Variants in CARD6 observed in about 807,000 individuals in gnomAD.
CARD6 encodes caspase recruitment domain family member 6, also known as caspase recruitment domain-containing protein 6.
CARD6 carries 27 observed loss-of-function variants against 23.6 expected under a neutral mutation model. That is an observed-to-expected ratio of 1.14 (90% CI 0.84 to 1.58). The LOEUF is 1.58. CARD6 is among the 40% of genes most tolerant of loss of function. CARD6 has a pLI of 0.00. For missense variants in CARD6, 1,214 were observed against 1,209.9 expected (o/e 1.00, Z -0.05); for synonymous variants, 397 against 431.8 (o/e 0.92, Z 1.00).
At position 40,853,748 on chromosome 5, in the gene CARD6, G is replaced by C. The variant is rs913021433; in HGVS notation, c.2416G>C (p.Ala806Pro). 2 of 1,614,202 alleles carry C rather than the reference G, an allele frequency of 1.2e-6. No homozygotes were observed. The highest frequency in any genetic ancestry group is 2.7e-5 in the African/African-American group (2 of 75,052). Residue 806 changes from alanine (A) to proline (P), a missense_variant, in exon 3 of 3, where the codon GCT (alanine) becomes CCT (proline). By Grantham distance (27) the Ala-to-Pro change is conservative. Coordinates refer to ENST00000254691, the MANE Select transcript of CARD6 (RefSeq NM_032587.4). Reference sequence around the variant, plus strand: ...AAGATTCATGAAATTTTCCAGAGTTGCTCGGGGATGTCACTCGAATGGAAC... The same window carrying C: ...AAGATTCATGAAATTTTCCAGAGTTCCTCGGGGATGTCACTCGAATGGAAC... ...GERFMKFSRVARGCHSNGTFG... is the reference protein window; with the variant it reads ...GERFMKFSRVPRGCHSNGTFG...
At chr5:40,846,589 GAA>G (rs1745971572) in intron 2 of CARD6, among the ~76,000 whole-genome samples, 1 of 152,112 alleles carries the variant, frequency 6.6e-6, no homozygotes, top group African/African-American at 2.4e-5. Flanking sequence ...GAGGTGCTAG[GAA>G]AGGATTTGTC....
At chr5:40,845,117 C>T (rs1402277602) in intron 2 of CARD6, among the ~76,000 whole-genome samples, 4 of 152,184 alleles carry the variant, frequency 2.6e-5, no homozygotes. Context: ...ATCCACCCAC[C>T]TTGGCCTCCC....
rs1182606344 is a variant in CARD6 at position 40,848,423 on chromosome 5, C to T, written c.842-3751C>T. Among the ~76,000 whole-genome samples the T allele has an allele frequency of 2.0e-5, 3 of 151,966 alleles. No individual in the cohort carries two copies. In the East Asian group the frequency reaches 5.8e-4, roughly 29 times the overall value. On this transcript the variant is annotated intron_variant, in intron 2 of 2. Coordinates refer to ENST00000254691, the MANE Select transcript of CARD6 (RefSeq NM_032587.4). ...AGAGACAGGGTTTTCACGATGTTGCCCAGGCTGGTTTTGAACTCCTGGGCT... is the reference window on the plus strand; with the variant it reads ...AGAGACAGGGTTTTCACGATGTTGCTCAGGCTGGTTTTGAACTCCTGGGCT...
chr5:40,854,433 G>A lies in CARD6; in HGVS notation c.3101G>A (p.Gly1034Glu), dbSNP rs1460278079. The A allele has an allele frequency of 1.2e-6, 2 of 1,613,250 alleles. No individual in the cohort carries two copies. The highest frequency in any genetic ancestry group is 1.1e-5 in the South Asian group (1 of 91,054). ...AHHSKAGQKR[G>E]GKH The stretch of plus-strand genomic sequence containing the variant: ...CACTCAAAAGCAGGGCAGAAGAGGG[G>A]AGGGAAGCATTAAAGAGCTAACTCC... Residue 1034 changes from glycine (G) to glutamate (E), a missense_variant, in exon 3 of 3, where the codon GGA becomes GAA. By Grantham distance (98) the Gly-to-Glu change is moderately conservative (BLOSUM62 -2). Coordinates refer to ENST00000254691, the MANE Select transcript of CARD6 (RefSeq NM_032587.4).
In CARD6 at chr5:40,853,097, G is replaced by C; in HGVS notation, c.1765G>C (p.Glu589Gln). ...CYFVLSSQAR[E>Q]SEEAQIFQRI... ...CTTTGTTCTCAGTTCCCAAGCCAGG[G>C]AGAGTGAAGAGGCTCAAATTTTTCA... Residue 589 changes from glutamate (E) to glutamine (Q), a missense_variant, in exon 3 of 3, where the codon GAG (glutamate) becomes CAG (glutamine). By Grantham distance (29) the Glu-to-Gln change is conservative (BLOSUM62 2). Coordinates refer to ENST00000254691, the MANE Select transcript of CARD6 (RefSeq NM_032587.4). 1 of 1,614,200 alleles carries C rather than the reference G, an allele frequency of 6.2e-7. No homozygotes were observed. The highest frequency in any genetic ancestry group is 8.5e-7 in the Non-Finnish European group (1 of 1,180,040).
rs974916485 is a variant in CARD6, at chr5:40,855,261, C to T, written c.*815C>T. ...TAAATCAACTAGCTTCTGCTAATAGCCCCAATTTGCTTGAATGGGAAAACT... is the reference window on the plus strand; with the variant it reads ...TAAATCAACTAGCTTCTGCTAATAGTCCCAATTTGCTTGAATGGGAAAACT... On this transcript the variant is annotated 3_prime_UTR_variant, in exon 3 of 3. Transcript: ENST00000254691. 1 of 152,342 alleles carries T rather than the reference C, an allele frequency of 6.6e-6. No individual in the cohort carries two copies. The highest frequency in any genetic ancestry group is 1.5e-5 in the Non-Finnish European group (1 of 68,024). 9.4% of individuals were successfully genotyped at this position (152,342 alleles called of 1,614,324 possible). A position where few individuals can be genotyped will look rare whatever the true frequency, so the allele number is the denominator to read the frequency against.
intron 2 of CARD6, among the ~76,000 whole-genome samples, chr5:40,846,861 T>C (rs1745975342): frequency 6.6e-6 from 1 of 152,180 alleles, no homozygotes. Context: ...TCATATCTTT[T>C]TGAGGGGGAC....
rs749886636 is a variant in CARD6, at chr5:40,853,857, C to T, written c.2525C>T (p.Ser842Phe). 1.9e-6 allele frequency: 3 copies of T among 1,614,162 alleles called. No homozygotes were observed. In the Admixed American group the frequency reaches 5.0e-5, roughly 27 times the overall value. ...RPQMMGTLER[S>F]RAVASKIGHS... ...CAAATGATGGGAACTCTTGAAAGGT[C>T]TAGGGCAGTAGCCTCCAAGATAGGT... is the stretch of plus-strand genomic sequence containing the variant. Residue 842 changes from serine to phenylalanine, a missense_variant, in exon 3 of 3, where the codon TCT becomes TTT. By Grantham distance (155) the Ser-to-Phe change is radical. Coordinates refer to ENST00000254691, the MANE Select transcript of CARD6 (RefSeq NM_032587.4).
At position 40,852,242 on chromosome 5, in the gene CARD6, G is replaced by A; in HGVS notation, c.910G>A (p.Asp304Asn). The A allele has an allele frequency of 6.2e-7, 1 of 1,614,168 alleles. No individual in the cohort carries two copies. The highest frequency in any genetic ancestry group is 8.5e-7 in the Non-Finnish European group (1 of 1,180,006). Residue 304 changes from aspartate (D) to asparagine (N), a missense_variant, in exon 3 of 3, where the codon GAT becomes AAT. Physicochemically the swap from Asp to Asn is conservative, Grantham distance 23. Coordinates refer to ENST00000254691, the MANE Select transcript of CARD6 (RefSeq NM_032587.4). ...NMDRSRKVLP[D>N]FVKQFSLDRG... ...GGATAGAAGCAGAAAGGTTCTGCCA[G>A]ATTTTGTTAAACAATTCTCCTTAGA...
In CARD6 at chr5:40,854,431, G is replaced by A. The variant is rs760530374; in HGVS notation, c.3099G>A (p.Arg1033=). 46 of 1,613,238 alleles carry A rather than the reference G, an allele frequency of 2.9e-5. No homozygotes were observed. In the East Asian group the frequency reaches 3.8e-4, roughly 13 times the overall value. ...KAHHSKAGQK[R]GGKH ...ACCACTCAAAAGCAGGGCAGAAGAGGGGAGGGAAGCATTAAAGAGCTAACT... is the reference window on the plus strand; with the variant it reads ...ACCACTCAAAAGCAGGGCAGAAGAGAGGAGGGAAGCATTAAAGAGCTAACT... Residue 1033 remains arginine (R), a synonymous_variant, in exon 3 of 3, where the codon AGG becomes AGA. Transcript: ENST00000254691.
rs769134907 is a variant in CARD6 at position 40,852,344 on chromosome 5, G to A, written c.1012G>A (p.Val338Met). 4 of 1,614,030 alleles carry A rather than the reference G, an allele frequency of 2.5e-6. No homozygotes were observed. Among genetic ancestry groups the A allele is most frequent in the African/African-American group, 1.3e-5 (1 of 74,934 alleles). Residue 338 changes from valine (V) to methionine (M), a missense_variant, in exon 3 of 3, where the codon GTG (valine) becomes ATG (methionine). Transcript: ENST00000254691. ...CCTGATGAAAGTTCAAGCACGAGAT[G>A]TGACGGCTAGGGATTCAATCCTCAG... ...NFLMKVQARD[V>M]TARDSILSHK...
At chr5:40,844,084 G>A (rs144773792) in intron 2 of CARD6, among the ~76,000 whole-genome samples, 97 of 152,234 alleles carry the variant, frequency 6.4e-4, no homozygotes, top group African/African-American at 2.1e-3. Context: ...GTGCCTTTGT[G>A]ACCAGAGAGA....
At chr5:40,849,284 A>C (rs1746018488) in intron 2 of CARD6, among the ~76,000 whole-genome samples, 1 of 152,212 alleles carries the variant, frequency 6.6e-6, no homozygotes, top group South Asian at 2.1e-4. Flanking sequence ...GGTGCGAGCC[A>C]CTGCACCCAG....
chr5:40,853,336 A>C lies in CARD6; in HGVS notation c.2004A>C (p.Gln668His). Reference protein sequence around the residue: ...DEDFENTQRIQVSSGENMAGT... With the variant: ...DEDFENTQRIHVSSGENMAGT... Reference sequence around the variant, plus strand: ...ACTTTGAAAACACTCAGAGAATTCAAGTTTCCTCTGGAGAAAACATGGCTG... The same window carrying C: ...ACTTTGAAAACACTCAGAGAATTCACGTTTCCTCTGGAGAAAACATGGCTG... The change falls in exon 3 of 3, where the codon CAA becomes CAC. Residue 668 changes from glutamine to histidine, a missense_variant. Transcript: ENST00000254691. The C allele has an allele frequency of 6.2e-7, 1 of 1,614,142 alleles. No homozygotes were observed. The highest frequency in any genetic ancestry group is 8.5e-7 in the Non-Finnish European group (1 of 1,179,998).
chr5:40,852,118 G>C (rs1350034580), intron 2 of CARD6, 56 bp from the exon 3 acceptor site: 2 of 1,156,102 alleles, frequency 1.7e-6, no homozygotes, highest in Admixed American at 4.4e-5. Flanking sequence ...AAAAGAAGTC[G>C]ATGGGGAAAA....
intron 2 of CARD6, among the ~76,000 whole-genome samples, chr5:40,849,237 T>C (rs1393307308): frequency 6.6e-6 from 1 of 152,144 alleles, no homozygotes; most frequent in Non-Finnish European, 1.5e-5. Flanking sequence ...CCTCAGGTGA[T>C]CTGCCGACCT....
At chr5:40,851,623 C>G (rs1440728378) in intron 2 of CARD6, among the ~76,000 whole-genome samples, 1 of 151,518 alleles carries the variant, frequency 6.6e-6, no homozygotes, top group Non-Finnish European at 1.5e-5. Flanking sequence ...CAAGACCAGC[C>G]TAGCCAACAT....
chr5:40,845,109 C>T (rs1203394494), intron 2 of CARD6, among the ~76,000 whole-genome samples: 1 of 152,054 alleles, frequency 6.6e-6, no homozygotes, highest in Non-Finnish European at 1.5e-5. Context: ...CTCAAGTAAT[C>T]CACCCACCTT....
chr5:40,847,594 G>C lies in CARD6; in HGVS notation c.841+3885G>C, dbSNP rs576209920. Among the ~76,000 whole-genome samples the C allele has an allele frequency of 1.4e-3, 220 of 152,220 alleles. 1 individual carries two copies. The highest frequency in any genetic ancestry group is 1.9e-3 in the Non-Finnish European group (130 of 68,022). On this transcript the variant is annotated intron_variant, in intron 2 of 2. Coordinates refer to ENST00000254691, the MANE Select transcript of CARD6 (RefSeq NM_032587.4). ...TATTTTGCCTTCATTCCAGAAGGTT[G>C]CTTTTGCTGGATATAGGATTCTACA...
Sources: allele counts gnomAD v4.1 joint callset (sites outside exome capture counted in the v4.1 genomes callset), GRCh38; gene constraint gnomAD v4.1.1; transcripts MANE v1.5; gene names NCBI Gene and HGNC (gene_info 2026-07-23, HGNC 2026-07-21).